The following LMAN2 variants were observed in gnomAD, a reference collection of about 807,000 sequenced individuals.
LMAN2 encodes lectin, mannose binding 2.
In LMAN2, 22 loss-of-function variants were observed where a neutral mutation model predicts 39.3. That is an observed-to-expected ratio of 0.56 (90% CI 0.40 to 0.80). LMAN2 has a LOEUF of 0.80. LMAN2 is among the 30% of genes least tolerant of loss of function. The pLI is 0.00. For synonymous variants in LMAN2, 207 were observed against 207.8 expected (o/e 1.00, Z 0.03); for missense variants, 494 against 505.4 (o/e 0.98, Z 0.22).
intron 2 of LMAN2, among the ~76,000 whole-genome samples, chr5:177,342,266 G>A (rs1225511308): frequency 6.6e-6 from 1 of 152,138 alleles, no homozygotes; most frequent in Non-Finnish European, 1.5e-5. Context: ...AGCACCTTGG[G>A]AGGCCATCAT....
chr5:177,346,903 T>C (rs1371792644), intron 2 of LMAN2, among the ~76,000 whole-genome samples: 1 of 152,148 alleles, frequency 6.6e-6, no homozygotes, highest in African/African-American at 2.4e-5. Context: ...ATCTTAACCC[T>C]GGCTGCACAG....
At position 177,351,621 on chromosome 5, in the gene LMAN2, A is replaced by G. The variant is rs753332744; in HGVS notation, c.27T>C (p.Arg9=). The G allele has an allele frequency of 6.3e-6, 10 of 1,599,290 alleles. No homozygotes were observed. Among genetic ancestry groups the G allele is most frequent in the East Asian group, 2.2e-5 (1 of 44,752 alleles). MAAEGWIW[R]WGWGRRCLGR... is the part of the protein sequence containing the mutation. ...CCAGGCACCGCCGGCCCCAGCCCCA[A>G]CGCCAAATCCAGCCTTCCGCCGCCA... The change falls in exon 1 of 8, where the codon CGT becomes CGC. Residue 9 remains arginine (R), a synonymous_variant. Transcript: ENST00000303127.
rs1326894281 is a variant in LMAN2 at position 177,343,025 on chromosome 5, G to A, written c.316-4420C>T. ...TCCCAGCACTTTGGGAGGCCAAGGC[G>A]GGCAGATCACGAGGTCAAGAGATGG... On this transcript the variant is annotated intron_variant, in intron 2 of 7. Coordinates refer to ENST00000303127, the MANE Select transcript of LMAN2 (RefSeq NM_006816.3). Among the ~76,000 whole-genome samples the A allele has an allele frequency of 3.9e-5, 6 of 152,002 alleles. 1 individual carries two copies. The highest frequency in any genetic ancestry group is 4.2e-4 in the South Asian group (2 of 4,814).
At chr5:177,339,490 A>G (rs1349126717) in intron 2 of LMAN2, among the ~76,000 whole-genome samples, 2 of 152,240 alleles carry the variant, frequency 1.3e-5, no homozygotes, top group Admixed American at 6.5e-5. Flanking sequence ...CAAGGGAGAA[A>G]GCCTTGCCTT....
At position 177,332,145 on chromosome 5, in the gene LMAN2, C is replaced by G. The variant is rs756842636; in HGVS notation, c.1012G>C (p.Ala338Pro). ...LCALLGIVVC[A>P]VVGAVVFQKR... ...TGGAACACCACGGCCCCCACCACGG[C>G]GCAGACAACGATGCCCAGGAGAGCG... The change falls in exon 8 of 8, where the codon GCC becomes CCC. Residue 338 changes from alanine (A) to proline (P), a missense_variant. Ala to Pro is a conservative substitution (Grantham distance 27). Transcript: ENST00000303127. This position sits in a 1 kb window ranked among gnomAD's most constrained non-coding sequence, Gnocchi z 6.3. The G allele has an allele frequency of 6.2e-7, 1 of 1,613,706 alleles. No homozygotes were observed. The highest frequency in any genetic ancestry group is 1.3e-5 in the African/African-American group (1 of 75,050).
chr5:177,336,396 C>T (rs909835302), intron 6 of LMAN2, among the ~76,000 whole-genome samples: 5 of 152,154 alleles, frequency 3.3e-5, no homozygotes, highest in African/African-American at 1.2e-4. Context: ...AGGCCTCACA[C>T]GGGCTGAAGG....
At position 177,332,192 on chromosome 5, in the gene LMAN2, C is replaced by T. The variant is rs761144755; in HGVS notation, c.965G>A (p.Arg322Gln). 2.5e-5 allele frequency: 40 copies of T among 1,613,298 alleles called. No individual in the cohort carries two copies. Among genetic ancestry groups the T allele is most frequent in the Admixed American group, 5.0e-5 (3 of 59,990 alleles). ...NFRSGPLTGW[R>Q]VFLLLLCALL... is the part of the protein sequence containing the mutation. ...AGCGCACAGCAGCAGCAGGAACACC[C>T]GCCACCCCGTCAGGGGCCCGCTGCG... The change falls in exon 8 of 8, where the codon CGG (arginine) becomes CAG (glutamine). Residue 322 changes from arginine to glutamine, a missense_variant. Transcript: ENST00000303127. The surrounding 1 kb of genome is among the most constrained non-coding windows in gnomAD (Gnocchi z 6.3).
chr5:177,348,241 TTCA>T (rs1234414823), intron 2 of LMAN2, among the ~76,000 whole-genome samples: 1 of 152,186 alleles, frequency 6.6e-6, no homozygotes, highest in Non-Finnish European at 1.5e-5. Flanking sequence ...TATTAAAAGT[TTCA>T]GTCTCAACAA....
chr5:177,339,470 C>A (rs895277533), intron 2 of LMAN2, among the ~76,000 whole-genome samples: 1 of 152,220 alleles, frequency 6.6e-6, no homozygotes, highest in African/African-American at 2.4e-5. Flanking sequence ...GGGATGGGCA[C>A]CGCCTACGCC....
intron 2 of LMAN2, among the ~76,000 whole-genome samples, chr5:177,342,034 G>C (rs1761562427): frequency 1.3e-5 from 2 of 151,818 alleles, no homozygotes; most frequent in Non-Finnish European, 2.9e-5. Context: ...CAGAGAATAG[G>C]CAATTTGAAT....
At position 177,337,336 on chromosome 5, in the gene LMAN2, G is replaced by A; in HGVS notation, c.675+27C>T. On this transcript the variant is annotated intron_variant, in intron 5 of 7. Coordinates refer to ENST00000303127, the MANE Select transcript of LMAN2 (RefSeq NM_006816.3). This position sits in a 1 kb window ranked among gnomAD's most constrained non-coding sequence, Gnocchi z 8.2. ...TGGGACCAGCACAGGGCCACCAGCT[G>A]CCACCCCCACCGCCTAGCCTGCTCA... 1 of 1,610,134 alleles carries A rather than the reference G, an allele frequency of 6.2e-7. No homozygotes were observed. The highest frequency in any genetic ancestry group is 1.1e-5 in the South Asian group (1 of 91,024).
chr5:177,339,997 CAG>C (rs1019314845), intron 2 of LMAN2, among the ~76,000 whole-genome samples: 7 of 151,772 alleles, frequency 4.6e-5, no homozygotes, highest in African/African-American at 1.7e-4. Flanking sequence ...GGGTAAGAGA[CAG>C]AGGAAACAGT....
intron 6 of LMAN2, among the ~76,000 whole-genome samples, chr5:177,335,618 C>G (rs1422543904): frequency 6.6e-6 from 1 of 152,084 alleles, no homozygotes; most frequent in Non-Finnish European, 1.5e-5. Flanking sequence ...GGAGGGAAAC[C>G]AGCCAGGCGC....
intron 6 of LMAN2, 136 bp from the exon 7 acceptor site, chr5:177,334,539 G>C: frequency 1.7e-6 from 2 of 1,193,826 alleles, no homozygotes. Context: ...TGCCCAGCCG[G>C]CTAGGGCCTG....
chr5:177,332,638 G>A lies in LMAN2; in HGVS notation c.911-392C>T, dbSNP rs911439996. On this transcript the variant is annotated intron_variant, in intron 7 of 7. Transcript: ENST00000303127. This position sits in a 1 kb window ranked among gnomAD's most constrained non-coding sequence, Gnocchi z 6.3. The stretch of plus-strand genomic sequence containing the variant: ...CTGAGGGCCCTTTCTGGAGCAGCGC[G>A]GCCCTGGTCACAGGCTCTCCCAGCC... 3.3e-5 allele frequency among the ~76,000 whole-genome samples: 5 copies of A among 152,094 alleles called. No homozygotes were observed. Among genetic ancestry groups the A allele is most frequent in the Non-Finnish European group, 5.9e-5 (4 of 67,996 alleles).
At chr5:177,336,397 G>C (rs575841239) in intron 6 of LMAN2, among the ~76,000 whole-genome samples, 1 of 152,188 alleles carries the variant, frequency 6.6e-6, no homozygotes, top group Non-Finnish European at 1.5e-5. Flanking sequence ...GGCCTCACAC[G>C]GGCTGAAGGC....
At chr5:177,345,744 T>TGC (rs1561606947) in intron 2 of LMAN2, among the ~76,000 whole-genome samples, 6 of 143,364 alleles carry the variant, frequency 4.2e-5, no homozygotes, top group African/African-American at 1.6e-4. Flanking sequence ...TGCATTTATT[T>TGC]ATTTATTTAT....
intron 6 of LMAN2, among the ~76,000 whole-genome samples, chr5:177,335,160 G>A (rs1012225624): frequency 2.0e-5 from 3 of 152,180 alleles, no homozygotes; most frequent in Non-Finnish European, 4.4e-5. Flanking sequence ...GCCAAGGGGG[G>A]ACCTAATGAG....
chr5:177,335,388 C>T (rs1248908579), intron 6 of LMAN2, among the ~76,000 whole-genome samples: 3 of 152,194 alleles, frequency 2.0e-5, no homozygotes, highest in Non-Finnish European at 1.5e-5. Flanking sequence ...CCTAAAAATA[C>T]ATCAGGTGAC....
Sources: gnomAD v4.1 joint callset for allele counts (sites outside exome capture counted in the v4.1 genomes callset) on GRCh38, gnomAD v4.1.1 for gene constraint, Gnocchi (gnomAD v3.1) non-coding constraint, MANE v1.5 for transcripts, NCBI Gene and HGNC (gene_info 2026-07-23, HGNC 2026-07-21) for gene names.